Variants in CACNB2 observed in about 807,000 individuals in gnomAD.
CACNB2 encodes the protein calcium voltage-gated channel auxiliary subunit beta 2.
Under a neutral mutation model 73.3 loss-of-function variants are expected in CACNB2, and 42 were observed. The ratio of observed to expected loss-of-function variants is 0.57; its 90% CI spans 0.45 to 0.74. The LOEUF is 0.74. Ranked by LOEUF, CACNB2 falls within the 30% of genes least tolerant of loss-of-function variation. The pLI, the probability that CACNB2 is intolerant of heterozygous loss-of-function variation, is 0.00. For synonymous variants in CACNB2, 348 were observed against 310.3 expected (o/e 1.12, Z -1.28); for missense variants, 940 against 853.0 (o/e 1.10, Z -1.27).
intron 2 of CACNB2, among the ~76,000 whole-genome samples, chr10:18,233,795 A>T (rs1000636699): frequency 6.6e-6 from 1 of 152,226 alleles, no homozygotes; most frequent in African/African-American, 2.4e-5. Flanking sequence ...AAGAATAAAA[A>T]ATAAGATCCC....
chr10:18,305,869 G>A (rs72786007), intron 2 of CACNB2, among the ~76,000 whole-genome samples: 16,568 of 152,126 alleles, frequency 0.11, 994 homozygotes, highest in South Asian at 0.19. Flanking sequence ...TTGGGAGGCC[G>A]AGGTGGGAGG....
In CACNB2 at chr10:18,500,847, A is replaced by G. The variant is rs748311933; in HGVS notation, c.492A>G (p.Val164=). Residue 164 remains valine (V), a synonymous_variant, in exon 5 of 14, where the codon GTA becomes GTG. Coordinates refer to ENST00000324631, the MANE Select transcript of CACNB2 (RefSeq NM_201596.3). ...FNNDWWIGRL[V]KEGCEIGFIP... is the part of the protein sequence containing the mutation. ...ATGACTGGTGGATAGGGCGATTGGTAAAAGAAGGCTGTGAAATCGGATTCA... is the reference window on the plus strand; with the variant it reads ...ATGACTGGTGGATAGGGCGATTGGTGAAAGAAGGCTGTGAAATCGGATTCA... The G allele has an allele frequency of 2.7e-5, 43 of 1,613,868 alleles. No individual in the cohort carries two copies. The highest frequency in any genetic ancestry group is 3.6e-5 in the Non-Finnish European group (42 of 1,179,882).
At chr10:18,145,434 C>T (rs2030867279) in intron 1 of CACNB2, among the ~76,000 whole-genome samples, 1 of 151,590 alleles carries the variant, frequency 6.6e-6, no homozygotes, top group African/African-American at 2.4e-5. Flanking sequence ...TCTAATGTGA[C>T]ATGGGAGAAA....
chr10:18,163,973 T>A (rs762161248), intron 2 of CACNB2, among the ~76,000 whole-genome samples: 2 of 152,168 alleles, frequency 1.3e-5, no homozygotes, highest in African/African-American at 2.4e-5. Context: ...ATTCCTTAGA[T>A]GATGTCCTGC....
intron 2 of CACNB2, among the ~76,000 whole-genome samples, chr10:18,301,120 T>C (rs2039494399): frequency 6.6e-6 from 1 of 152,192 alleles, no homozygotes; most frequent in Admixed American, 6.5e-5. Context: ...AGTGCAAACG[T>C]AGCAGTGTTC....
chr10:18,367,962 T>G (rs1346990435), intron 2 of CACNB2, among the ~76,000 whole-genome samples: 3 of 152,196 alleles, frequency 2.0e-5, no homozygotes, highest in Non-Finnish European at 4.4e-5. Context: ...GAATATATTT[T>G]GGCCGTCTGG....
chr10:18,539,171 G>T, intron 13 of CACNB2, 59 bp from the exon 14 acceptor site: 2 of 1,609,724 alleles, frequency 1.2e-6, no homozygotes, highest in Non-Finnish European at 8.5e-7. Context: ...ACTTGCTCTG[G>T]GACATGTTCT....
intron 2 of CACNB2, among the ~76,000 whole-genome samples, chr10:18,181,081 A>AAAT (rs386370837): frequency 6.6e-6 from 1 of 151,660 alleles, no homozygotes; most frequent in Non-Finnish European, 1.5e-5. Flanking sequence ...AAAAAAAAAA[A>AAAT]AGAGGTCAAG....
chr10:18,458,865 A>C (rs2047418530), intron 3 of CACNB2, among the ~76,000 whole-genome samples: 1 of 150,218 alleles, frequency 6.7e-6, no homozygotes, highest in African/African-American at 2.4e-5. Flanking sequence ...TCCCAGGTTC[A>C]AGCAATTCTC....
At chr10:18,284,347 G>A (rs1057301535) in intron 2 of CACNB2, among the ~76,000 whole-genome samples, 11 of 152,174 alleles carry the variant, frequency 7.2e-5, no homozygotes, top group East Asian at 1.9e-4. Context: ...CCACCAATAC[G>A]TGGGAATTGT....
chr10:18,203,240 C>T (rs1375790618), intron 2 of CACNB2, among the ~76,000 whole-genome samples: 6 of 152,078 alleles, frequency 3.9e-5, no homozygotes, highest in Non-Finnish European at 8.8e-5. Flanking sequence ...AAATTATAGC[C>T]GAATGATATC....
At chr10:18,206,809 A>T (rs2035115366) in intron 2 of CACNB2, 1 of 152,230 alleles carries the variant, frequency 6.6e-6, no homozygotes, top group African/African-American at 2.4e-5. Context: ...AAGGTGAAGT[A>T]AGACATGCCA....
At chr10:18,155,484 T>C (rs1346055163) in intron 2 of CACNB2, among the ~76,000 whole-genome samples, 1 of 152,244 alleles carries the variant, frequency 6.6e-6, no homozygotes, top group Non-Finnish European at 1.5e-5. Flanking sequence ...TTGGGCCATT[T>C]CCAGTTGAGG....
At chr10:18,211,848 T>C (rs1455949989) in intron 2 of CACNB2, among the ~76,000 whole-genome samples, 1 of 112,466 alleles carries the variant, frequency 8.9e-6, no homozygotes, top group Non-Finnish European at 1.8e-5. Flanking sequence ...CTGACAGATA[T>C]TTATTTACGT....
intron 3 of CACNB2, among the ~76,000 whole-genome samples, chr10:18,459,016 C>T (rs1182848658): frequency 6.6e-6 from 1 of 152,106 alleles, no homozygotes; most frequent in African/African-American, 2.4e-5. Flanking sequence ...CTCCCCGCCT[C>T]GGCCTCCCAA....
intron 9 of CACNB2, among the ~76,000 whole-genome samples, chr10:18,521,337 G>A (rs559482691): frequency 6.6e-6 from 1 of 152,356 alleles, no homozygotes; most frequent in South Asian, 2.1e-4. Flanking sequence ...GGGAAGAGAA[G>A]GGTATGTTCA....
chr10:18,171,045 ACT>A (rs1257345034), intron 2 of CACNB2, among the ~76,000 whole-genome samples: 1 of 151,922 alleles, frequency 6.6e-6, no homozygotes, highest in Non-Finnish European at 1.5e-5. Flanking sequence ...TTAAACGCAC[ACT>A]CTGCCTACCT....
intron 2 of CACNB2, among the ~76,000 whole-genome samples, chr10:18,359,128 T>C (rs2042046488): frequency 6.6e-6 from 1 of 152,132 alleles, no homozygotes; most frequent in Non-Finnish European, 1.5e-5. Flanking sequence ...TTTTTTAACT[T>C]CTACGTTATT....
chr10:18,491,659 T>A (rs11014492), intron 3 of CACNB2, among the ~76,000 whole-genome samples: 3,662 of 152,082 alleles, frequency 0.024, 139 homozygotes, highest in African/African-American at 0.084. Context: ...GAGCCCTGAA[T>A]GGTAAGAGGA....
Sources: allele counts gnomAD v4.1 joint callset (sites outside exome capture counted in the v4.1 genomes callset), GRCh38; gene constraint gnomAD v4.1.1; transcripts MANE v1.5; gene names NCBI Gene and HGNC (gene_info 2026-07-23, HGNC 2026-07-21).